Variants in CDH13 observed in about 807,000 individuals in gnomAD.
The protein encoded by CDH13 is cadherin-13.
Under a neutral mutation model 63.8 loss-of-function variants are expected in CDH13, and 24 were observed. That is an observed-to-expected ratio of 0.38 (90% CI 0.27 to 0.53). The LOEUF is 0.53. CDH13 is among the 20% of genes least tolerant of loss of function. The pLI is 0.85. For missense variants in CDH13, 1,049 were observed against 903.1 expected, an observed-to-expected ratio of 1.16 and a Z score of -2.07; for synonymous variants, 503 against 355.3, an observed-to-expected ratio of 1.42 and a Z score of -4.67.
At chr16:83,648,782 C>T (rs1912080728) in intron 8 of CDH13, among the ~76,000 whole-genome samples, 1 of 152,120 alleles carries the variant, frequency 6.6e-6, no homozygotes, top group Non-Finnish European at 1.5e-5. Context: ...ATCTCTGTCT[C>T]CTGTCTTTAT....
Position 83,381,716 on chromosome 16 carries a change from G to A in CDH13, c.781+36710G>A, listed in dbSNP as rs549758101. Among the ~76,000 whole-genome samples, 358 of 150,974 alleles carry A rather than the reference G, an allele frequency of 2.4e-3. 1 individual carries two copies. The highest frequency in any genetic ancestry group is 4.0e-3 in the Non-Finnish European group (271 of 67,800). On this transcript the variant is annotated intron_variant, in intron 6 of 13. Coordinates refer to ENST00000567109, the MANE Select transcript of CDH13 (RefSeq NM_001257.5). ...CCAAAGCTGCACATGCCTGAAATTA[G>A]GGATTAAAAAAAAAAAAGTACCAAG...
chr16:82,629,404 G>C (rs773576214), intron 1 of CDH13, among the ~76,000 whole-genome samples: 36 of 152,302 alleles, frequency 2.4e-4, no homozygotes, highest in Non-Finnish European at 3.8e-4. Flanking sequence ...ACCTCACAGA[G>C]AAATCATTTT....
intron 7 of CDH13, among the ~76,000 whole-genome samples, chr16:83,577,985 G>A (rs8051522): frequency 6.6e-6 from 1 of 152,242 alleles, no homozygotes; most frequent in Non-Finnish European, 1.5e-5. Flanking sequence ...TCATACAGTT[G>A]CATAACCTGC....
intron 3 of CDH13, among the ~76,000 whole-genome samples, chr16:83,058,316 C>A (rs1351094982): frequency 6.6e-6 from 1 of 152,252 alleles, no homozygotes; most frequent in East Asian, 1.9e-4. Context: ...CAGGTAGCAG[C>A]GCCTCCACGT....
Position 83,443,106 on chromosome 16 carries a change from T to A in CDH13, c.782-43371T>A, listed in dbSNP as rs554522166. On this transcript the variant is annotated intron_variant, in intron 6 of 13. Coordinates refer to ENST00000567109, the MANE Select transcript of CDH13 (RefSeq NM_001257.5). ...ATCTCAGCAGACTGAAGTTTGCAAC[T>A]GAAAAATCGCTCAGAAAATACTTAT... 2.4e-4 allele frequency among the ~76,000 whole-genome samples: 37 copies of A among 152,370 alleles called. No individual in the cohort carries two copies. The South Asian group carries it at 7.7e-3, about 32-fold the overall frequency.
chr16:83,164,740 C>T (rs984438427), intron 4 of CDH13, among the ~76,000 whole-genome samples: 3 of 133,238 alleles, frequency 2.3e-5, no homozygotes, highest in African/African-American at 6.4e-5. Context: ...AAAAAAAAAT[C>T]ATCGTTTTAC....
chr16:83,583,945 A>T (rs1002490673), intron 7 of CDH13, among the ~76,000 whole-genome samples: 13 of 152,042 alleles, frequency 8.6e-5, no homozygotes, highest in African/African-American at 2.4e-4. Flanking sequence ...ACAAAAATTT[A>T]AAAAAGCAGA....
At chr16:83,378,059 A>G (rs1025914225) in intron 6 of CDH13, among the ~76,000 whole-genome samples, 1 of 152,162 alleles carries the variant, frequency 6.6e-6, no homozygotes, top group South Asian at 2.1e-4. Context: ...TGGACCCGCT[A>G]CCATGCATGG....
chr16:82,771,079 A>T (rs1597520742), intron 1 of CDH13, among the ~76,000 whole-genome samples: 1 of 152,184 alleles, frequency 6.6e-6, no homozygotes, highest in Non-Finnish European at 1.5e-5. Flanking sequence ...GCGTGAATTG[A>T]AATTTGTTTG....
intron 7 of CDH13, among the ~76,000 whole-genome samples, chr16:83,524,504 C>T (rs2074912835): frequency 8.0e-6 from 1 of 124,334 alleles, no homozygotes; most frequent in Non-Finnish European, 1.6e-5. Context: ...CCAGGCTGGA[C>T]TGCAGTGGCG....
chr16:83,130,047 T>C (rs2035981861), intron 4 of CDH13, among the ~76,000 whole-genome samples: 1 of 152,192 alleles, frequency 6.6e-6, no homozygotes, highest in African/African-American at 2.4e-5. Flanking sequence ...AACAAGCATA[T>C]ATTCAGCATC....
intron 4 of CDH13, among the ~76,000 whole-genome samples, chr16:83,183,930 C>T (rs909331137): frequency 6.6e-6 from 1 of 151,932 alleles, no homozygotes; most frequent in Non-Finnish European, 1.5e-5. Context: ...TTTTCATCAC[C>T]ACCCCAATCC....
chr16:82,841,655 C>A (rs995002693), intron 1 of CDH13, among the ~76,000 whole-genome samples: 1 of 151,686 alleles, frequency 6.6e-6, no homozygotes, highest in Non-Finnish European at 1.5e-5. Context: ...TGTTTTAACT[C>A]ATACATAGTG....
chr16:83,171,685 G>GCAGT, intron 4 of CDH13: 2 of 830,374 alleles, frequency 2.4e-6, no homozygotes, highest in Non-Finnish European at 3.9e-6. Context: ...CATGCTCTTT[G>GCAGT]GCAGGCACGC....
chr16:82,786,954 T>G (rs1278967173), intron 1 of CDH13, among the ~76,000 whole-genome samples: 1 of 152,152 alleles, frequency 6.6e-6, no homozygotes, highest in Non-Finnish European at 1.5e-5. Context: ...CCTCTACTTG[T>G]GCATGGCTTC....
intron 6 of CDH13, among the ~76,000 whole-genome samples, chr16:83,459,933 C>T (rs1322634300): frequency 6.6e-6 from 1 of 152,146 alleles, no homozygotes; most frequent in Non-Finnish European, 1.5e-5. Context: ...ACAGGTTCTT[C>T]CATGAGATGT....
chr16:83,563,677 G>C (rs2075745072), intron 7 of CDH13, among the ~76,000 whole-genome samples: 1 of 152,144 alleles, frequency 6.6e-6, no homozygotes, highest in African/African-American at 2.4e-5. Context: ...GTGTGTATGT[G>C]TGTGTTTGTG....
chr16:82,730,897 C>G (rs1259626034), intron 1 of CDH13, among the ~76,000 whole-genome samples: 1 of 152,154 alleles, frequency 6.6e-6, no homozygotes, highest in East Asian at 1.9e-4. Context: ...TAAATTGCAT[C>G]AACTTATAAT....
At chr16:83,404,244 A>G (rs1320208940) in intron 6 of CDH13, among the ~76,000 whole-genome samples, 1 of 152,204 alleles carries the variant, frequency 6.6e-6, no homozygotes, top group African/African-American at 2.4e-5. Flanking sequence ...ACCTGCAGAG[A>G]GCCAACAAAA....
Sources: allele counts gnomAD v4.1 joint callset (sites outside exome capture counted in the v4.1 genomes callset), GRCh38; gene constraint gnomAD v4.1.1; transcripts MANE v1.5; gene names NCBI Gene and HGNC (gene_info 2026-07-23, HGNC 2026-07-21).